The following NR2E3 variants were observed in gnomAD, a reference collection of about 807,000 sequenced individuals.
The protein encoded by NR2E3 is nuclear receptor subfamily 2 group E member 3.
In NR2E3, 38 loss-of-function variants were observed where a neutral mutation model predicts 37.6. The ratio of observed to expected loss-of-function variants is 1.01; its 90% CI spans 0.78 to 1.33. The LOEUF (loss-of-function observed/expected upper bound fraction) is 1.33. Among genes scored for constraint, NR2E3 ranks in the 40% most tolerant of loss-of-function variants. NR2E3 has a pLI of 0.00. For missense variants in NR2E3, 562 were observed against 558.7 expected (o/e 1.01, Z -0.06); for synonymous variants, 235 against 225.1 (o/e 1.04, Z -0.39).
At chr15:71,816,641 C>T (rs1022398440) in intron 7 of NR2E3, among the ~76,000 whole-genome samples, 9 of 152,178 alleles carry the variant, frequency 5.9e-5, no homozygotes, top group Non-Finnish European at 1.3e-4. Context: ...AACTTCAGGA[C>T]ATTTTCAGTA....
Position 71,813,658 on chromosome 15 carries a change from C to A in NR2E3, c.994+23C>A, listed in dbSNP as rs1163630109. Reference sequence around the variant, plus strand: ...CAGGTAACTGAGTCTCTGCCCAAACCTTGAGTGGGAATTCTGGTGACTTCC... The same window carrying A: ...CAGGTAACTGAGTCTCTGCCCAAACATTGAGTGGGAATTCTGGTGACTTCC... On this transcript the variant is annotated intron_variant, in intron 6 of 7. Transcript: ENST00000617575. This position sits in a 1 kb window ranked among gnomAD's most constrained non-coding sequence, Gnocchi z 4.7. The A allele has an allele frequency of 6.2e-7, 1 of 1,612,542 alleles. No individual in the cohort carries two copies. The highest frequency in any genetic ancestry group is 2.2e-5 in the East Asian group (1 of 44,884).
Position 71,811,756 on chromosome 15 carries a change from T to C in NR2E3, c.246-10T>C. ...GACACTGACCCCTGGGGTCTCCTCT[T>C]CACCTGCAGGTGCCAGGTGGGGGCA... On this transcript the variant is annotated splice_polypyrimidine_tract_variant and intron_variant, in intron 2 of 7. Coordinates refer to ENST00000617575, the MANE Select transcript of NR2E3 (RefSeq NM_014249.4). The surrounding 1 kb of genome is among the most constrained non-coding windows in gnomAD (Gnocchi z 5.6). 1 of 1,549,362 alleles carries C rather than the reference T, an allele frequency of 6.5e-7. No individual in the cohort carries two copies. The highest frequency in any genetic ancestry group is 8.7e-7 in the Non-Finnish European group (1 of 1,145,490).
At position 71,814,072 on chromosome 15, in the gene NR2E3, T is replaced by C. The variant is rs747738378; in HGVS notation, c.1055T>C (p.Met352Thr). The C allele has an allele frequency of 3.7e-6, 6 of 1,612,714 alleles. No homozygotes were observed. In the African/African-American group the frequency reaches 5.3e-5, roughly 14 times the overall value. Reference sequence around the variant, plus strand: ...GCCTTGCAGGACCAGTCCCAAGTGATGCTGAGCCAGCACAGCAAGGCCCAC... The same window carrying C: ...GCCTTGCAGGACCAGTCCCAAGTGACGCTGAGCCAGCACAGCAAGGCCCAC... ...VEALQDQSQV[M>T]LSQHSKAHHP... Residue 352 changes from methionine (M) to threonine (T), a missense_variant, in exon 7 of 8, where the codon ATG becomes ACG. By Grantham distance (81) the Met-to-Thr change is moderately conservative. Transcript: ENST00000617575.
chr15:71,811,417 A>C lies in NR2E3; in HGVS notation c.119-66A>C, dbSNP rs1330663897. The C allele has an allele frequency of 2.8e-6, 4 of 1,438,278 alleles. No individual in the cohort carries two copies. The Admixed American group carries it at 8.3e-5, about 30-fold the overall frequency. The allele number at this position is 1,438,278 out of a possible 1,614,324, so 89.1% of individuals were successfully genotyped here. ...ACTGGGAAAGGGACCCGAGGGAAGG[A>C]GGGGAGCGTGCAGCCCTGCCCCGGC... On this transcript the variant is annotated intron_variant, in intron 1 of 7. Transcript: ENST00000617575. This position sits in a 1 kb window ranked among gnomAD's most constrained non-coding sequence, Gnocchi z 5.6.
Position 71,810,585 on chromosome 15 carries a change from G to A in NR2E3, c.-159G>A. The A allele has an allele frequency of 9.1e-7, 1 of 1,093,062 alleles. No individual in the cohort carries two copies. Among genetic ancestry groups the A allele is most frequent in the Non-Finnish European group, 1.3e-6 (1 of 776,468 alleles). The allele number at this position is 1,093,062 out of a possible 1,614,324, so 67.7% of individuals were successfully genotyped here. A position where few individuals can be genotyped will look rare whatever the true frequency, so the allele number is the denominator to read the frequency against. ...CTCCTCAAGCCAGAGCCTGTGCTGT[G>A]AGGGGCTTCGGGACCTTGGGGCAGC... On this transcript the variant is annotated 5_prime_UTR_variant, in exon 1 of 8. Transcript: ENST00000617575.
Position 71,813,951 on chromosome 15 carries a change from A to G in NR2E3, c.995-61A>G. The G allele has an allele frequency of 6.4e-7, 1 of 1,565,934 alleles. No homozygotes were observed. Among genetic ancestry groups the G allele is most frequent in the South Asian group, 1.2e-5 (1 of 85,068 alleles). On this transcript the variant is annotated intron_variant, in intron 6 of 7. Coordinates refer to ENST00000617575, the MANE Select transcript of NR2E3 (RefSeq NM_014249.4). This position sits in a 1 kb window ranked among gnomAD's most constrained non-coding sequence, Gnocchi z 4.7. ...AGCCAGAACCCTGGGCCACCACTTC[A>G]TGGCCAGCCTTATAACAGCCGTAAA...
Position 71,813,889 on chromosome 15 carries a change from C to T in NR2E3, c.995-123C>T. ...CCCCTGGTGGCTCCTCTGGGCCTGG[C>T]AGAGCCCACCCCACAGGGCCCCAGG... On this transcript the variant is annotated intron_variant, in intron 6 of 7. Transcript: ENST00000617575. The surrounding 1 kb of genome is among the most constrained non-coding windows in gnomAD (Gnocchi z 4.7). The T allele has an allele frequency of 6.5e-7, 1 of 1,529,040 alleles. No individual in the cohort carries two copies. The highest frequency in any genetic ancestry group is 8.8e-7 in the Non-Finnish European group (1 of 1,142,328). The allele number at this position is 1,529,040 out of a possible 1,614,324, so 94.7% of individuals were successfully genotyped here.
chr15:71,812,734 C>T (rs1034836212), intron 5 of NR2E3, among the ~76,000 whole-genome samples: 10 of 152,016 alleles, frequency 6.6e-5, no homozygotes, highest in East Asian at 1.9e-4. Context: ...GGATGATGGT[C>T]GGGGTGCACA....
In NR2E3 at chr15:71,811,623, G is replaced by A; in HGVS notation, c.245+14G>A. 6.3e-7 allele frequency: 1 copy of A among 1,599,606 alleles called. No individual in the cohort carries two copies. The highest frequency in any genetic ancestry group is 8.5e-7 in the Non-Finnish European group (1 of 1,173,656). Reference sequence around the variant, plus strand: ...GCTCATCTACAGGTGAGTGCGGTGGGCCCTGCTGGGCGTCTGCCCCTGAGG... The same window carrying A: ...GCTCATCTACAGGTGAGTGCGGTGGACCCTGCTGGGCGTCTGCCCCTGAGG... On this transcript the variant is annotated intron_variant, in intron 2 of 7. Transcript: ENST00000617575. The surrounding 1 kb of genome is among the most constrained non-coding windows in gnomAD (Gnocchi z 5.6).
chr15:71,816,454 G>T (rs1196442201), intron 7 of NR2E3, among the ~76,000 whole-genome samples: 1 of 151,876 alleles, frequency 6.6e-6, no homozygotes, highest in Non-Finnish European at 1.5e-5. Context: ...TAGAGACGGG[G>T]TTTCACCGCA....
In NR2E3 at chr15:71,813,752, T is replaced by G; in HGVS notation, c.994+117T>G. On this transcript the variant is annotated intron_variant, in intron 6 of 7. Transcript: ENST00000617575. The surrounding 1 kb of genome is among the most constrained non-coding windows in gnomAD (Gnocchi z 4.7). ...GTGTGTAGGCCTCTATCCTGGGGGG[T>G]GGGAGGAGAGTGGTGAGGCTGGACT... 11 of 1,532,172 alleles carry G rather than the reference T, an allele frequency of 7.2e-6. No homozygotes were observed. The highest frequency in any genetic ancestry group is 9.8e-6 in the Non-Finnish European group (11 of 1,124,384). The allele number at this position is 1,532,172 out of a possible 1,614,324, so 94.9% of individuals were successfully genotyped here. A position where few individuals can be genotyped will look rare whatever the true frequency, so the allele number is the denominator to read the frequency against.
chr15:71,814,626 G>A, intron 7 of NR2E3: 4 of 953,262 alleles, frequency 4.2e-6, no homozygotes, highest in Non-Finnish European at 5.0e-6. Flanking sequence ...CCTAGGACCA[G>A]CCCGTTCAGG....
rs941127033 is a variant in NR2E3 at position 71,813,276 on chromosome 15, G to C, written c.748-113G>C. On this transcript the variant is annotated intron_variant, in intron 5 of 7. Coordinates refer to ENST00000617575, the MANE Select transcript of NR2E3 (RefSeq NM_014249.4). The surrounding 1 kb of genome is among the most constrained non-coding windows in gnomAD (Gnocchi z 4.7). The stretch of plus-strand genomic sequence containing the variant: ...TGGCTGATGTCAGGAGAGCATTCTC[G>C]GGTCCCAGGACAGCACTTCCATTCC... The C allele has an allele frequency of 2.1e-6, 3 of 1,430,272 alleles. No homozygotes were observed. The highest frequency in any genetic ancestry group is 2.8e-6 in the Non-Finnish European group (3 of 1,055,612). The allele number at this position is 1,430,272 out of a possible 1,614,324, so 88.6% of individuals were successfully genotyped here.
At position 71,813,765 on chromosome 15, in the gene NR2E3, G is replaced by A; in HGVS notation, c.994+130G>A. On this transcript the variant is annotated intron_variant, in intron 6 of 7. Coordinates refer to ENST00000617575, the MANE Select transcript of NR2E3 (RefSeq NM_014249.4). This position sits in a 1 kb window ranked among gnomAD's most constrained non-coding sequence, Gnocchi z 4.7. ...TATCCTGGGGGGTGGGAGGAGAGTG[G>A]TGAGGCTGGACTCCCTTCTCCTTGG... is the stretch of plus-strand genomic sequence containing the variant. 6.7e-7 allele frequency: 1 copy of A among 1,495,510 alleles called. No individual in the cohort carries two copies. The allele number at this position is 1,495,510 out of a possible 1,614,324, so 92.6% of individuals were successfully genotyped here.
intron 5 of NR2E3, among the ~76,000 whole-genome samples, chr15:71,813,000 G>A (rs1029569474): frequency 1.3e-5 from 2 of 152,168 alleles, no homozygotes; most frequent in Non-Finnish European, 2.9e-5. Context: ...AAAACCAGGA[G>A]GAGAGGCATG....
At chr15:71,817,526 C>A (rs761058452) in intron 7 of NR2E3, 26 bp from the exon 8 acceptor site, 3 of 1,569,584 alleles carry the variant, frequency 1.9e-6, no homozygotes, top group South Asian at 2.3e-5. Flanking sequence ...GGTCGTAAAA[C>A]TGATGGCGTC....
In NR2E3 at chr15:71,814,133, G is replaced by A. The variant is rs762019934; in HGVS notation, c.1100+16G>A. On this transcript the variant is annotated intron_variant, in intron 7 of 7. Coordinates refer to ENST00000617575, the MANE Select transcript of NR2E3 (RefSeq NM_014249.4). ...AGCCCGTGAGGTGACCTGAGCATGC[G>A]CCCACCCACTCATCTGTCCCTGACC... The A allele has an allele frequency of 4.4e-6, 7 of 1,605,096 alleles. No individual in the cohort carries two copies. The highest frequency in any genetic ancestry group is 2.2e-5 in the South Asian group (2 of 90,066).
Position 71,811,821 on chromosome 15 carries a change from C to G in NR2E3, c.301C>G (p.Gln101Glu). Residue 101 changes from glutamine (Q) to glutamate (E), a missense_variant, in exon 3 of 8, where the codon CAG becomes GAG. By Grantham distance (29) the Gln-to-Glu change is conservative. Transcript: ENST00000617575. The surrounding 1 kb of genome is among the most constrained non-coding windows in gnomAD (Gnocchi z 5.6). ...GGACAAGGCCCACCGCAACCAGTGC[C>G]AGGCCTGCCGGCTGAAGAAGTGCCT... ...PVDKAHRNQC[Q>E]ACRLKKCLQA... 2 of 1,551,456 alleles carry G rather than the reference C, an allele frequency of 1.3e-6. No homozygotes were observed. Among genetic ancestry groups the G allele is most frequent in the Non-Finnish European group, 1.7e-6 (2 of 1,147,058 alleles).
intron 7 of NR2E3, chr15:71,814,531 G>C (rs1436001614): frequency 2.0e-6 from 2 of 995,136 alleles, no homozygotes; most frequent in African/African-American, 3.5e-5. Context: ...GGGCAAGCAT[G>C]ATATGTTGTT....
Sources: gnomAD v4.1 joint callset for allele counts (sites outside exome capture counted in the v4.1 genomes callset) on GRCh38, gnomAD v4.1.1 for gene constraint, Gnocchi (gnomAD v3.1) non-coding constraint, MANE v1.5 for transcripts, NCBI Gene and HGNC (gene_info 2026-07-23, HGNC 2026-07-21) for gene names.